CADPS: variants seen among roughly 807,000 people sequenced by gnomAD.
The protein encoded by CADPS is calcium dependent secretion activator, also known as calcium-dependent secretion activator 1.
In CADPS, 57 loss-of-function variants were observed where a neutral mutation model predicts 167.3. The observed-to-expected ratio is 0.34, with a 90% CI of 0.28 to 0.42. CADPS has a LOEUF of 0.42. CADPS is among the 20% of genes least tolerant of loss of function. The pLI is 1.00. For synonymous variants in CADPS, 676 were observed against 635.3 expected (o/e 1.06, Z -0.96); for missense variants, 1,414 against 1,738.1 (o/e 0.81, Z 3.32).
intron 18 of CADPS, among the ~76,000 whole-genome samples, chr3:62,495,103 T>C (rs2151175000): frequency 6.6e-6 from 1 of 152,330 alleles, no homozygotes; most frequent in East Asian, 1.9e-4. Flanking sequence ...TTAATAATCA[T>C]TTAGATATTA....
intron 2 of CADPS, among the ~76,000 whole-genome samples, chr3:62,756,898 AAGGAGGAGGTATTC>A (rs1008763511): frequency 2.6e-5 from 4 of 151,896 alleles, no homozygotes; most frequent in Admixed American, 2.6e-4. Flanking sequence ...AGGCATTGAG[AAGGAGGAGGTATTC>A]AGGAGGAGGA....
At position 62,545,909 on chromosome 3, in the gene CADPS, C is replaced by T. The variant is rs141534911; in HGVS notation, c.1966+3994G>A. Among the ~76,000 whole-genome samples, 796 of 152,138 alleles carry T rather than the reference C, an allele frequency of 5.2e-3. 8 individuals are homozygous for T. The highest frequency in any genetic ancestry group is 0.035 in the South Asian group (168 of 4,816). On this transcript the variant is annotated intron_variant, in intron 11 of 29. Coordinates refer to ENST00000383710, the MANE Select transcript of CADPS (RefSeq NM_003716.4). Reference sequence around the variant, plus strand: ...TTCTCTATGTATTTTTCCATTTCTACGTAGCTTCCTTTTGTCTTGTAAATA... The same window carrying T: ...TTCTCTATGTATTTTTCCATTTCTATGTAGCTTCCTTTTGTCTTGTAAATA...
chr3:62,590,254 C>G (rs2085648743), intron 7 of CADPS, among the ~76,000 whole-genome samples: 1 of 151,996 alleles, frequency 6.6e-6, no homozygotes, highest in Admixed American at 6.6e-5. Context: ...ATTGTGGACC[C>G]AGGTTGAGCA....
At chr3:62,871,379 T>C (rs2153223722) in intron 1 of CADPS, among the ~76,000 whole-genome samples, 1 of 152,234 alleles carries the variant, frequency 6.6e-6, no homozygotes, top group African/African-American at 2.4e-5. Context: ...ACTTTGCCCA[T>C]AGTGACTATA....
chr3:62,405,141 G>C (rs868361158), intron 28 of CADPS, among the ~76,000 whole-genome samples: 5 of 149,476 alleles, frequency 3.3e-5, no homozygotes, highest in East Asian at 4.0e-4. Context: ...TAATCTGGGG[G>C]GGGGGGGGGC....
At chr3:62,731,805 CAAAA>C (rs1212456893) in intron 3 of CADPS, among the ~76,000 whole-genome samples, 61 of 27,134 alleles carry the variant, frequency 2.2e-3, no homozygotes, top group Non-Finnish European at 2.8e-3. Context: ...TGATCATATG[CAAAA>C]AAAAAAAAAA....
chr3:62,557,048 C>G (rs1306934838), intron 10 of CADPS, among the ~76,000 whole-genome samples: 1 of 128,714 alleles, frequency 7.8e-6, no homozygotes, highest in Non-Finnish European at 1.7e-5. Context: ...CACACACACA[C>G]ACTCCTTGGT....
At chr3:62,526,856 C>A (rs1210752850) in intron 13 of CADPS, among the ~76,000 whole-genome samples, 1 of 152,124 alleles carries the variant, frequency 6.6e-6, no homozygotes, top group Non-Finnish European at 1.5e-5. Flanking sequence ...GGGCCACATT[C>A]CAGATTAATT....
chr3:62,837,034 C>T (rs537355930), intron 1 of CADPS, among the ~76,000 whole-genome samples: 1 of 152,204 alleles, frequency 6.6e-6, no homozygotes, highest in African/African-American at 2.4e-5. Context: ...GGCTTTACAC[C>T]TTTTCTTAGT....
At chr3:62,411,674 C>G (rs529124707) in intron 28 of CADPS, among the ~76,000 whole-genome samples, 1 of 152,266 alleles carries the variant, frequency 6.6e-6, no homozygotes, top group Non-Finnish European at 1.5e-5. Flanking sequence ...TAACGATTAC[C>G]GGGGATCTGG....
chr3:62,509,783 A>G (rs2067388163), intron 17 of CADPS, among the ~76,000 whole-genome samples: 1 of 152,162 alleles, frequency 6.6e-6, no homozygotes. Flanking sequence ...AAAAAGTGGT[A>G]GGTATTATAC....
chr3:62,645,213 G>A (rs143427655), intron 6 of CADPS, among the ~76,000 whole-genome samples: 1 of 151,862 alleles, frequency 6.6e-6, no homozygotes, highest in Non-Finnish European at 1.5e-5. Context: ...GAGTGGGAAG[G>A]GGGTAACGGA....
chr3:62,619,388 A>G (rs2062821592), intron 6 of CADPS, among the ~76,000 whole-genome samples: 1 of 152,070 alleles, frequency 6.6e-6, no homozygotes, highest in African/African-American at 2.4e-5. Flanking sequence ...TCTGGTTTTA[A>G]AAGCCCTACA....
chr3:62,618,414 T>C (rs769338102), intron 6 of CADPS, among the ~76,000 whole-genome samples: 3 of 152,186 alleles, frequency 2.0e-5, no homozygotes, highest in Admixed American at 1.3e-4. Flanking sequence ...GTTTATGGCC[T>C]GAGTGATGGT....
chr3:62,537,442 G>A (rs190474118), intron 11 of CADPS, among the ~76,000 whole-genome samples: 70 of 152,216 alleles, frequency 4.6e-4, no homozygotes, highest in African/African-American at 1.6e-3. Context: ...AATTCAACTC[G>A]TGTGTGTCCA....
At chr3:62,625,037 C>T (rs2063802366) in intron 6 of CADPS, among the ~76,000 whole-genome samples, 1 of 144,778 alleles carries the variant, frequency 6.9e-6, no homozygotes, top group South Asian at 2.1e-4. Flanking sequence ...CAGAGTGGTC[C>T]CCTCTTCTTG....
chr3:62,808,005 C>T (rs1275681637), intron 1 of CADPS, among the ~76,000 whole-genome samples: 1 of 152,046 alleles, frequency 6.6e-6, no homozygotes, highest in African/African-American at 2.4e-5. Context: ...TCCCGAGTAG[C>T]TGGGACTACG....
At chr3:62,789,058 A>G (rs1445504518) in intron 1 of CADPS, among the ~76,000 whole-genome samples, 1 of 152,174 alleles carries the variant, frequency 6.6e-6, no homozygotes, top group African/African-American at 2.4e-5. Flanking sequence ...TAGTTTCTGA[A>G]TGATTGATTT....
chr3:62,591,105 G>T (rs374459093), intron 7 of CADPS, among the ~76,000 whole-genome samples: 1 of 152,190 alleles, frequency 6.6e-6, no homozygotes, highest in South Asian at 2.1e-4. Flanking sequence ...CGATCCACCC[G>T]CCTCGGCCTC....
Sources: allele counts gnomAD v4.1 joint callset (sites outside exome capture counted in the v4.1 genomes callset), GRCh38; gene constraint gnomAD v4.1.1; transcripts MANE v1.5; gene names NCBI Gene and HGNC (gene_info 2026-07-23, HGNC 2026-07-21).